DMXL1: variants seen among roughly 807,000 people sequenced by gnomAD.
DMXL1 encodes the protein Dmx like 1.
In DMXL1, 99 loss-of-function variants were observed where a neutral mutation model predicts 319.2. The observed-to-expected ratio is 0.31, with a 90% CI of 0.26 to 0.37. The LOEUF is 0.37. Among genes scored for constraint, DMXL1 ranks in the 10% least tolerant of loss-of-function variants. DMXL1 has a pLI of 1.00. For missense variants in DMXL1, 3,745 were observed against 3,595.6 expected (o/e 1.04, Z -1.06); for synonymous variants, 1,385 against 1,235.2 (o/e 1.12, Z -2.54).
intron 28 of DMXL1, among the ~76,000 whole-genome samples, chr5:119,188,673 T>C (rs1778183492): frequency 1.3e-5 from 2 of 152,240 alleles, no homozygotes; most frequent in South Asian, 4.1e-4. Flanking sequence ...TTTAAAATCA[T>C]TTGAAAGATT....
At chr5:119,239,185 C>A in intron 41 of DMXL1, 105 bp downstream of exon 41, 1 of 1,176,120 alleles carries the variant, frequency 8.5e-7, no homozygotes, top group Non-Finnish European at 1.2e-6. Flanking sequence ...GCTTTAGATA[C>A]AGTATTTTTA....
chr5:119,223,856 T>G (rs190144081), intron 37 of DMXL1, among the ~76,000 whole-genome samples: 1 of 152,282 alleles, frequency 6.6e-6, no homozygotes, highest in East Asian at 1.9e-4. Context: ...AATTTAAATA[T>G]GAAGTTTACT....
chr5:119,165,094 C>T, intron 20 of DMXL1, 89 bp from the exon 21 acceptor site: 3 of 738,496 alleles, frequency 4.1e-6, no homozygotes, highest in South Asian at 1.7e-5. Context: ...ATTAAACATT[C>T]AATGGATATG....
At chr5:119,186,430 C>G (rs887207824) in intron 28 of DMXL1, among the ~76,000 whole-genome samples, 1 of 151,820 alleles carries the variant, frequency 6.6e-6, no homozygotes, top group African/African-American at 2.4e-5. Flanking sequence ...GCTAATTTTT[C>G]TATTTTTTTG....
rs151148361 is a variant in DMXL1 at position 119,096,238 on chromosome 5, G to A, written c.88-1741G>A. On this transcript the variant is annotated intron_variant, in intron 1 of 43. Transcript: ENST00000539542. ...GTTGCCTAGGCTGGAGTGCAGTGGC[G>A]CGATCTCAGCTTGCTGCAATCTCCA... Among the ~76,000 whole-genome samples, 623 of 150,492 alleles carry A rather than the reference G, an allele frequency of 4.1e-3. 5 individuals carry two copies. The highest frequency in any genetic ancestry group is 0.015 in the African/African-American group (604 of 40,910).
intron 7 of DMXL1, among the ~76,000 whole-genome samples, chr5:119,118,361 G>C (rs1761297014): frequency 6.6e-6 from 1 of 152,168 alleles, no homozygotes; most frequent in Non-Finnish European, 1.5e-5. Context: ...CAATAAATCA[G>C]AAAATCTTAT....
rs879844823 is a variant in DMXL1 at position 119,103,082 on chromosome 5, AT to A, written c.285+1090del. 7.3e-3 allele frequency among the ~76,000 whole-genome samples: 1,063 copies of A among 145,492 alleles called. 8 individuals carry two copies. The highest frequency in any genetic ancestry group is 0.022 in the African/African-American group (875 of 39,904). On this transcript the variant is annotated intron_variant, in intron 3 of 43. Coordinates refer to ENST00000539542, the MANE Select transcript of DMXL1 (RefSeq NM_001290321.3). ...GTACTCCCAAACCTAAAATTAAAAG[AT>A]TTTTTTTTTTTTTAAAAAAAAAGAA... is the stretch of plus-strand genomic sequence containing the variant.
At chr5:119,087,432 C>T (rs902839500) in intron 1 of DMXL1, among the ~76,000 whole-genome samples, 1 of 152,028 alleles carries the variant, frequency 6.6e-6, no homozygotes, top group Non-Finnish European at 1.5e-5. Flanking sequence ...TGTTATTGAT[C>T]CATTGGTCAT....
rs1353578856 is a variant in DMXL1 at position 119,129,414 on chromosome 5, T to C, written c.1306T>C (p.Ser436Pro). The C allele has an allele frequency of 2.5e-6, 4 of 1,603,756 alleles. No homozygotes were observed. The highest frequency in any genetic ancestry group is 1.7e-5 in the Admixed American group (1 of 57,886). The change falls in exon 10 of 44, where the codon TCT (serine) becomes CCT (proline). Residue 436 changes from serine (S) to proline (P), a missense_variant. This residue lies in a region of DMXL1 where 2,096 missense variants were observed against 1,985.4 expected (regional missense o/e 1.06). Coordinates refer to ENST00000539542, the MANE Select transcript of DMXL1 (RefSeq NM_001290321.3). ...VEDSNQADVK[S>P]DEETDDGVDD... is the part of the protein sequence containing the mutation. Reference sequence around the variant, plus strand: ...AGATTCTAATCAGGCAGATGTAAAATCTGATGAAGGTAAACTTTAAGAGGA... The same window carrying C: ...AGATTCTAATCAGGCAGATGTAAAACCTGATGAAGGTAAACTTTAAGAGGA...
chr5:119,203,099 T>C lies in DMXL1; in HGVS notation c.7746-220T>C, dbSNP rs986765552. Among the ~76,000 whole-genome samples, 6 of 151,772 alleles carry C rather than the reference T, an allele frequency of 4.0e-5. No homozygotes were observed. The East Asian group carries it at 9.7e-4, about 24-fold the overall frequency. On this transcript the variant is annotated intron_variant, in intron 32 of 43. Transcript: ENST00000539542. Reference sequence around the variant, plus strand: ...TACTTTACCTGTACATTATCAGACTTGAGTAGTTGTGACAGAGACCATATG... The same window carrying C: ...TACTTTACCTGTACATTATCAGACTCGAGTAGTTGTGACAGAGACCATATG...
intron 19 of DMXL1, among the ~76,000 whole-genome samples, chr5:119,158,350 T>C (rs1195041093): frequency 6.6e-6 from 1 of 152,214 alleles, no homozygotes; most frequent in Non-Finnish European, 1.5e-5. Context: ...TTAATGTAGT[T>C]GTTTATTAGT....
At chr5:119,125,812 C>T (rs567379881) in intron 9 of DMXL1, among the ~76,000 whole-genome samples, 1 of 152,278 alleles carries the variant, frequency 6.6e-6, no homozygotes, top group African/African-American at 2.4e-5. Flanking sequence ...GATCCACCCA[C>T]CTTGACCTCC....
chr5:119,215,631 C>T (rs986639796), intron 34 of DMXL1, among the ~76,000 whole-genome samples: 2 of 152,118 alleles, frequency 1.3e-5, no homozygotes, highest in Non-Finnish European at 2.9e-5. Flanking sequence ...CACACCTGAC[C>T]TTAGTTGCTA....
chr5:119,159,030 G>A (rs1475694482), intron 19 of DMXL1, among the ~76,000 whole-genome samples: 1 of 152,124 alleles, frequency 6.6e-6, no homozygotes, highest in Non-Finnish European at 1.5e-5. Flanking sequence ...TTCTTCGGAG[G>A]AGTTCAAGAA....
intron 34 of DMXL1, among the ~76,000 whole-genome samples, chr5:119,211,672 G>C (rs902237288): frequency 6.6e-6 from 1 of 152,144 alleles, no homozygotes; most frequent in African/African-American, 2.4e-5. Flanking sequence ...TTTTCTTTCA[G>C]TTATGCCTTC....
intron 1 of DMXL1, 84 bp downstream of exon 1, chr5:119,071,740 G>C: frequency 7.7e-7 from 1 of 1,296,806 alleles, no homozygotes; most frequent in South Asian, 1.4e-5. Context: ...ACGACGGGCA[G>C]AGGCGCGAGG....
intron 34 of DMXL1, among the ~76,000 whole-genome samples, chr5:119,212,693 A>G (rs745469449): frequency 1.3e-5 from 2 of 152,164 alleles, no homozygotes; most frequent in Non-Finnish European, 2.9e-5. Flanking sequence ...CAAAGCATGA[A>G]ATCTTTACAG....
intron 4 of DMXL1, 126 bp from the exon 5 acceptor site, chr5:119,110,025 G>A (rs999218962): frequency 2.0e-5 from 15 of 763,094 alleles, no homozygotes; most frequent in East Asian, 9.0e-5. Context: ...CTTCTCCTCC[G>A]TTCTTCAAAA....
At position 119,173,776 on chromosome 5, in the gene DMXL1, G is replaced by GTGTGTATATATATATATATATA; in HGVS notation, c.6682-1484_6682-1483insGTGTATATATATATATATATAT. 1.2e-3 allele frequency among the ~76,000 whole-genome samples: 80 copies of GTGTGTATATATATATATATATA among 67,164 alleles called. 1 individual carries two copies. The highest frequency in any genetic ancestry group is 4.1e-3 in the African/African-American group (74 of 18,008). 44.1% of individuals were successfully genotyped at this position (67,164 alleles called of 152,430 possible). On this transcript the variant is annotated intron_variant, in intron 25 of 43. Transcript: ENST00000539542. The stretch of plus-strand genomic sequence containing the variant: ...TGTGTATATATATATATGTGTGTGT[G>GTGTGTATATATATATATATATA]TATATATATATATATATATATAATG...
Sources: gnomAD v4.1 joint callset for allele counts (sites outside exome capture counted in the v4.1 genomes callset) on GRCh38, gnomAD v4.1.1 for gene constraint, gnomAD v4.1.1 regional missense constraint, MANE v1.5 for transcripts, NCBI Gene and HGNC (gene_info 2026-07-23, HGNC 2026-07-21) for gene names.